Variants in WWOX observed in about 807,000 individuals in gnomAD.
WWOX encodes the protein WW domain containing oxidoreductase, also known as WW domain-containing oxidoreductase.
Under a neutral mutation model 46.2 loss-of-function variants are expected in WWOX, and 69 were observed. The observed-to-expected ratio is 1.49, with a 90% CI of 1.23 to 1.82. The LOEUF (loss-of-function observed/expected upper bound fraction) is 1.82, where lower values mean the gene tolerates loss of function less well. Ranked by LOEUF, WWOX falls within the 40% of genes most tolerant of loss-of-function variation. WWOX has a pLI of 0.00. For missense variants in WWOX, 919 were observed against 542.6 expected (o/e 1.69, Z -6.89); for synonymous variants, 359 against 202.6 (o/e 1.77, Z -6.56).
chr16:79,154,456 C>G (rs181028791), intron 8 of WWOX, among the ~76,000 whole-genome samples: 2 of 143,598 alleles, frequency 1.4e-5, no homozygotes, highest in African/African-American at 5.2e-5. Context: ...ATCTACCTCT[C>G]AAAGATAGAC....
chr16:78,172,189 G>T (rs977410174), intron 5 of WWOX, among the ~76,000 whole-genome samples: 1 of 152,122 alleles, frequency 6.6e-6, no homozygotes, highest in African/African-American at 2.4e-5. Context: ...ATACTTCTGG[G>T]TTCCTAATAT....
At chr16:78,244,956 C>G (rs529325424) in intron 5 of WWOX, among the ~76,000 whole-genome samples, 2 of 152,286 alleles carry the variant, frequency 1.3e-5, no homozygotes, top group African/African-American at 4.8e-5. Flanking sequence ...TATATCTACT[C>G]TTAGCATTTT....
intron 5 of WWOX, among the ~76,000 whole-genome samples, chr16:78,213,250 CAAAAAA>C (rs3041524): frequency 1.0e-5 from 1 of 97,096 alleles, no homozygotes; most frequent in South Asian, 3.9e-4. Context: ...GACTGTATCT[CAAAAAA>C]AAAAAAAAAA....
At chr16:78,560,554 G>C (rs1282243525) in intron 8 of WWOX, among the ~76,000 whole-genome samples, 1 of 152,172 alleles carries the variant, frequency 6.6e-6, no homozygotes, top group African/African-American at 2.4e-5. Context: ...TGAGGCAGGA[G>C]AATCCCTTGA....
At chr16:78,537,243 T>C (rs2043781083) in intron 8 of WWOX, among the ~76,000 whole-genome samples, 1 of 152,018 alleles carries the variant, frequency 6.6e-6, no homozygotes, top group Non-Finnish European at 1.5e-5. Flanking sequence ...AGTATTAGAG[T>C]TGTCTGCCTG....
In WWOX at chr16:78,448,596, C is replaced by T. The variant is rs1309171582; in HGVS notation, c.1056+15844C>T. ...AAGCAGTACAGGCTTTATTCAATGG[C>T]CATGGAATTGAGAAGCAGGAGCATG... On this transcript the variant is annotated intron_variant, in intron 8 of 8. Coordinates refer to ENST00000566780, the MANE Select transcript of WWOX (RefSeq NM_016373.4). Among the ~76,000 whole-genome samples, 2 of 152,046 alleles carry T rather than the reference C, an allele frequency of 1.3e-5. 1 individual carries two copies. Among genetic ancestry groups the T allele is most frequent in the Non-Finnish European group, 2.9e-5 (2 of 68,020 alleles).
At chr16:78,199,074 G>C (rs1163586564) in intron 5 of WWOX, among the ~76,000 whole-genome samples, 1 of 152,126 alleles carries the variant, frequency 6.6e-6, no homozygotes, top group Admixed American at 6.5e-5. Context: ...CCCACTTTGG[G>C]AGGCTGAGGT....
At chr16:78,866,428 A>G (rs2044005240) in intron 8 of WWOX, among the ~76,000 whole-genome samples, 1 of 136,694 alleles carries the variant, frequency 7.3e-6, no homozygotes, top group African/African-American at 2.9e-5. Flanking sequence ...TGATCAAGAC[A>G]TCCCGTGCTA....
chr16:78,101,057 T>G (rs949159826), intron 1 of WWOX, among the ~76,000 whole-genome samples: 3 of 151,906 alleles, frequency 2.0e-5, no homozygotes, highest in Non-Finnish European at 4.4e-5. Context: ...TCTTTTTTTT[T>G]TTTCTTTTGA....
intron 3 of WWOX, among the ~76,000 whole-genome samples, chr16:78,111,588 G>A (rs768207457): frequency 6.4e-4 from 97 of 152,230 alleles, no homozygotes; most frequent in Non-Finnish European, 1.2e-3. Flanking sequence ...TTCCTTGGAG[G>A]AGTCAGGGAA....
intron 6 of WWOX, among the ~76,000 whole-genome samples, chr16:78,423,639 C>G (rs2083004519): frequency 6.6e-6 from 1 of 151,942 alleles, no homozygotes; most frequent in African/African-American, 2.4e-5. Context: ...ACCACCTTGA[C>G]CACCTTGGGC....
At chr16:78,306,268 G>A (rs895392944) in intron 5 of WWOX, among the ~76,000 whole-genome samples, 1 of 152,152 alleles carries the variant, frequency 6.6e-6, no homozygotes, top group African/African-American at 2.4e-5. Context: ...GATACCTCTG[G>A]ATAATGACAA....
chr16:78,872,579 A>G (rs1025053993), intron 8 of WWOX, among the ~76,000 whole-genome samples: 3 of 152,024 alleles, frequency 2.0e-5, no homozygotes, highest in Non-Finnish European at 4.4e-5. Flanking sequence ...TAATTAACTA[A>G]AATACCTTAG....
At chr16:78,755,508 C>G (rs1051964227) in intron 8 of WWOX, among the ~76,000 whole-genome samples, 1 of 152,134 alleles carries the variant, frequency 6.6e-6, no homozygotes, top group Admixed American at 6.5e-5. Flanking sequence ...TGAGTCAGTA[C>G]CTGCCAGAGT....
chr16:79,003,023 A>G (rs773118695), intron 8 of WWOX, among the ~76,000 whole-genome samples: 3 of 152,206 alleles, frequency 2.0e-5, no homozygotes, highest in African/African-American at 4.8e-5. Context: ...TCGCCAATGC[A>G]TGCCAGCCAC....
At chr16:78,907,840 C>G (rs3898101) in intron 8 of WWOX, among the ~76,000 whole-genome samples, 19,320 of 152,044 alleles carry the variant, frequency 0.13, 1,597 homozygotes, top group East Asian at 0.42. Context: ...TCACCAGCCC[C>G]GCAAAGACGA....
chr16:79,024,850 G>A (rs956702149), intron 8 of WWOX, among the ~76,000 whole-genome samples: 16 of 152,046 alleles, frequency 1.1e-4, no homozygotes, highest in African/African-American at 3.4e-4. Flanking sequence ...GATTACAGGC[G>A]TGAGCCACCA....
chr16:78,420,271 C>G (rs1031587482), intron 6 of WWOX, among the ~76,000 whole-genome samples: 2 of 152,050 alleles, frequency 1.3e-5, no homozygotes, highest in African/African-American at 4.8e-5. Context: ...CTAGATGTAT[C>G]TTGAAGAGAA....
At chr16:79,003,741 C>T (rs2047139083) in intron 8 of WWOX, among the ~76,000 whole-genome samples, 1 of 152,166 alleles carries the variant, frequency 6.6e-6, no homozygotes. Context: ...GCAGCTGTTT[C>T]AGCTACACAG....
Sources: allele counts gnomAD v4.1 joint callset (sites outside exome capture counted in the v4.1 genomes callset), GRCh38; gene constraint gnomAD v4.1.1; transcripts MANE v1.5; gene names NCBI Gene and HGNC (gene_info 2026-07-23, HGNC 2026-07-21).